Variants in BACE2 observed in about 807,000 individuals in gnomAD.
BACE2 encodes beta-secretase 2.
A neutral mutation model predicts 46.2 loss-of-function variants in BACE2; 17 were observed. That is an observed-to-expected ratio of 0.37 (90% CI 0.25 to 0.55). BACE2 has a LOEUF of 0.55. Among genes scored for constraint, BACE2 ranks in the 20% least tolerant of loss-of-function variants. BACE2 has a pLI of 0.82. For synonymous variants in BACE2, 277 were observed against 295.9 expected (o/e 0.94, Z 0.66); for missense variants, 595 against 698.1 (o/e 0.85, Z 1.66).
intron 1 of BACE2, among the ~76,000 whole-genome samples, chr21:41,210,075 A>G (rs1376436943): frequency 6.6e-6 from 1 of 152,114 alleles, no homozygotes; most frequent in African/African-American, 2.4e-5. Flanking sequence ...GTCCAGAAGA[A>G]TTAGGATTTG....
intron 1 of BACE2, among the ~76,000 whole-genome samples, chr21:41,171,084 A>T (rs1035468985): frequency 1.3e-5 from 2 of 152,208 alleles, no homozygotes; most frequent in African/African-American, 4.8e-5. Flanking sequence ...CCTTCCCTTC[A>T]TGCCTCCTGA....
chr21:41,197,309 A>G (rs1439644738), intron 1 of BACE2, among the ~76,000 whole-genome samples: 4 of 151,112 alleles, frequency 2.6e-5, no homozygotes, highest in Non-Finnish European at 5.9e-5. Flanking sequence ...ACAGTCTCTA[A>G]AGATGAGTTA....
At chr21:41,217,618 TG>T (rs1204332908) in intron 1 of BACE2, among the ~76,000 whole-genome samples, 4 of 151,746 alleles carry the variant, frequency 2.6e-5, no homozygotes, top group African/African-American at 9.8e-5. Context: ...CTTTCCAGCC[TG>T]GGTGCTGGAC....
chr21:41,210,852 G>T (rs1238272077), intron 1 of BACE2, among the ~76,000 whole-genome samples: 1 of 152,146 alleles, frequency 6.6e-6, no homozygotes, highest in Admixed American at 6.5e-5. Flanking sequence ...GCGTGCATCA[G>T]GACCACCTTC....
chr21:41,223,558 C>T (rs971375423), intron 1 of BACE2, among the ~76,000 whole-genome samples: 1 of 152,136 alleles, frequency 6.6e-6, no homozygotes, highest in Non-Finnish European at 1.5e-5. Context: ...TTACTTGGCA[C>T]CCCCCGTGTG....
chr21:41,241,957 T>A lies in BACE2; in HGVS notation c.747+10T>A, dbSNP rs781409589. The stretch of plus-strand genomic sequence containing the variant: ...CAACGGAGGTAGTCTTGTGGGTATC[T>A]TTTAGTCTTAAAGGGGCGAAAAATC... On this transcript the variant is annotated intron_variant, in intron 4 of 8. Coordinates refer to ENST00000330333, the MANE Select transcript of BACE2 (RefSeq NM_012105.5). The A allele has an allele frequency of 9.3e-6, 15 of 1,613,748 alleles. No homozygotes were observed. The East Asian group carries it at 3.3e-4, about 36-fold the overall frequency.
chr21:41,260,093 C>G (rs1987895385), intron 8 of BACE2, among the ~76,000 whole-genome samples: 1 of 150,788 alleles, frequency 6.6e-6, no homozygotes, highest in South Asian at 2.1e-4. Context: ...CCCGCCGTGG[C>G]CTCCCAAAGT....
chr21:41,169,538 T>C (rs762656932), intron 1 of BACE2, among the ~76,000 whole-genome samples: 21 of 152,182 alleles, frequency 1.4e-4, no homozygotes, highest in Non-Finnish European at 2.4e-4. Context: ...CTTTGCTCAA[T>C]TGAATGCACT....
At chr21:41,247,162 G>A (rs1987494507) in intron 6 of BACE2, among the ~76,000 whole-genome samples, 1 of 152,162 alleles carries the variant, frequency 6.6e-6, no homozygotes, top group South Asian at 2.1e-4. Context: ...TGGGTGCCTT[G>A]TTAACAGCTC....
In BACE2 at chr21:41,281,645, G is replaced by T. The variant is rs2088550554; in HGVS notation, c.*6021G>T. 1 of 152,168 alleles carries T rather than the reference G, an allele frequency of 6.6e-6. No individual in the cohort carries two copies. The highest frequency in any genetic ancestry group is 1.5e-5 in the Non-Finnish European group (1 of 68,028). 9.4% of individuals were successfully genotyped at this position (152,168 alleles called of 1,614,324 possible). A position where few individuals can be genotyped will look rare whatever the true frequency, so the allele number is the denominator to read the frequency against. On this transcript the variant is annotated 3_prime_UTR_variant, in exon 9 of 9. Coordinates refer to ENST00000330333, the MANE Select transcript of BACE2 (RefSeq NM_012105.5). ...ATTTCTAAGATTAGTGTTCCTGAATGAAATGTTAAGAAAACATTAAAAGAT... is the reference window on the plus strand; with the variant it reads ...ATTTCTAAGATTAGTGTTCCTGAATTAAATGTTAAGAAAACATTAAAAGAT...
At chr21:41,214,983 G>A (rs538212787) in intron 1 of BACE2, among the ~76,000 whole-genome samples, 2 of 152,282 alleles carry the variant, frequency 1.3e-5, no homozygotes, top group South Asian at 2.1e-4. Context: ...CCAGGAGGGC[G>A]CATTTCCAAA....
intron 2 of BACE2, among the ~76,000 whole-genome samples, chr21:41,236,455 T>C (rs977512191): frequency 2.6e-5 from 4 of 152,182 alleles, no homozygotes; most frequent in African/African-American, 7.2e-5. Flanking sequence ...GGCAGGACTT[T>C]CGTCTGATCT....
intron 1 of BACE2, 131 bp from the exon 2 acceptor site, chr21:41,226,135 A>C (rs1601286535): frequency 1.5e-6 from 1 of 665,510 alleles, no homozygotes. Context: ...TCTCCTCGTC[A>C]GTATACTTTT....
chr21:41,248,061 A>C (rs1987523979), intron 6 of BACE2, among the ~76,000 whole-genome samples: 1 of 151,990 alleles, frequency 6.6e-6, no homozygotes, highest in African/African-American at 2.4e-5. Context: ...AAGGGTTTGG[A>C]GTTCTGTATT....
chr21:41,244,994 A>C (rs1330929858), intron 5 of BACE2, among the ~76,000 whole-genome samples: 1 of 152,126 alleles, frequency 6.6e-6, no homozygotes, highest in African/African-American at 2.4e-5. Context: ...CCACCCCACA[A>C]AAGAACAAAC....
rs1365886129 is a variant in BACE2 at position 41,276,574 on chromosome 21, T to C, written c.*950T>C. 2 of 152,232 alleles carry C rather than the reference T, an allele frequency of 1.3e-5. No homozygotes were observed. Among genetic ancestry groups the C allele is most frequent in the African/African-American group, 4.8e-5 (2 of 41,454 alleles). 9.4% of individuals were successfully genotyped at this position (152,232 alleles called of 1,614,324 possible). On this transcript the variant is annotated 3_prime_UTR_variant, in exon 9 of 9. Coordinates refer to ENST00000330333, the MANE Select transcript of BACE2 (RefSeq NM_012105.5). ...TCTTGCTTAAAATTAATAAATCATG[T>C]TTTGATGAGAAAAAACTATTCTATT...
At chr21:41,269,295 T>G (rs1236691319) in intron 8 of BACE2, among the ~76,000 whole-genome samples, 1 of 152,246 alleles carries the variant, frequency 6.6e-6, no homozygotes, top group African/African-American at 2.4e-5. Flanking sequence ...ATAACAGATG[T>G]GCTATTCTTT....
intron 2 of BACE2, among the ~76,000 whole-genome samples, chr21:41,230,614 C>T (rs930588053): frequency 1.3e-5 from 2 of 152,202 alleles, no homozygotes; most frequent in Non-Finnish European, 2.9e-5. Flanking sequence ...GGTTTGTCCG[C>T]CTCTGATTCA....
At chr21:41,194,485 T>C (rs938935451) in intron 1 of BACE2, among the ~76,000 whole-genome samples, 4 of 152,224 alleles carry the variant, frequency 2.6e-5, no homozygotes, top group Admixed American at 6.5e-5. Flanking sequence ...GGATCCTAAA[T>C]GGAGGTTTCC....
Sources: gnomAD v4.1 joint callset for allele counts (sites outside exome capture counted in the v4.1 genomes callset) on GRCh38, gnomAD v4.1.1 for gene constraint, MANE v1.5 for transcripts, NCBI Gene and HGNC (gene_info 2026-07-23, HGNC 2026-07-21) for gene names.